The following C10orf90 variants were observed in gnomAD, a reference collection of about 807,000 sequenced individuals.
C10orf90 encodes chromosome 10 open reading frame 90.
Under a neutral mutation model 62.5 loss-of-function variants are expected in C10orf90, and 56 were observed. The observed-to-expected ratio is 0.90, with a 90% CI of 0.72 to 1.12. The LOEUF is 1.12. C10orf90 is among the 50% of genes most tolerant of loss of function. The pLI is 0.00. For missense variants in C10orf90, 970 were observed against 880.4 expected, an observed-to-expected ratio of 1.10 and a Z score of -1.29; for synonymous variants, 386 against 340.4, an observed-to-expected ratio of 1.13 and a Z score of -1.47.
chr10:126,442,342 C>T (rs939393082), intron 7 of C10orf90, among the ~76,000 whole-genome samples: 1 of 150,040 alleles, frequency 6.7e-6, no homozygotes, highest in Non-Finnish European at 1.5e-5. Flanking sequence ...AGGCCTTATC[C>T]AATTTTAGGA....
intron 4 of C10orf90, among the ~76,000 whole-genome samples, chr10:126,471,050 G>A (rs182762054): frequency 2.0e-5 from 3 of 152,320 alleles, no homozygotes; most frequent in Non-Finnish European, 4.4e-5. Flanking sequence ...TTGCAGCCCA[G>A]GAAGGGAGTC....
chr10:126,514,006 T>C, intron 2 of C10orf90, 67 bp from the exon 3 acceptor site: 4 of 1,143,154 alleles, frequency 3.5e-6, no homozygotes, highest in Admixed American at 1.9e-5. Context: ...TATATAACTC[T>C]ACTGTAAAAT....
At chr10:126,471,222 AAGG>A (rs61122246) in intron 4 of C10orf90, among the ~76,000 whole-genome samples, 18,557 of 152,226 alleles carry the variant, frequency 0.12, 1,177 homozygotes, top group Non-Finnish European at 0.15. Context: ...TGGGAATGCC[AAGG>A]AGGACAGCCA....
At chr10:126,503,276 C>T (rs977710998) in intron 4 of C10orf90, among the ~76,000 whole-genome samples, 1 of 152,162 alleles carries the variant, frequency 6.6e-6, no homozygotes, top group African/African-American at 2.4e-5. Flanking sequence ...GGGAATTCTT[C>T]CCGGCCCTGG....
Position 126,594,597 on chromosome 10 carries a change from A to G in C10orf90, c.313+51968T>C, listed in dbSNP as rs532669853. ...GGATTGAATAAATAAATATATAAAT[A>G]AGTAATTCAGGTATGAATAAATGCT... On this transcript the variant is annotated intron_variant, in intron 2 of 9. Coordinates refer to ENST00000488181, the MANE Select transcript of C10orf90 (RefSeq NM_001350921.2). Among the ~76,000 whole-genome samples, 33 of 152,222 alleles carry G rather than the reference A, an allele frequency of 2.2e-4. 1 individual carries two copies. The highest frequency in any genetic ancestry group is 4.1e-4 in the Non-Finnish European group (28 of 68,042).
At position 126,461,480 on chromosome 10, in the gene C10orf90, C is replaced by A. The variant is rs374833275; in HGVS notation, c.1931G>T (p.Arg644Leu). 13 of 1,613,980 alleles carry A rather than the reference C, an allele frequency of 8.1e-6. No homozygotes were observed. Among genetic ancestry groups the A allele is most frequent in the Non-Finnish European group, 1.1e-5 (13 of 1,179,996 alleles). Reference sequence around the variant, plus strand: ...CAGGCCAGGGCTCCCTGCTCCATCGCGGGGTGCTGGCGAGGGTGCTGCTGG... The same window carrying A: ...CAGGCCAGGGCTCCCTGCTCCATCGAGGGGTGCTGGCGAGGGTGCTGCTGG... Reference protein sequence around the residue: ...PSPAAPSPAPRDGAGSPGLSE... With the variant: ...PSPAAPSPAPLDGAGSPGLSE... The change falls in exon 6 of 10, where the codon CGC becomes CTC. Residue 644 changes from arginine to leucine, a missense_variant. Arg to Leu is a moderately radical substitution (Grantham distance 102). Coordinates refer to ENST00000488181, the MANE Select transcript of C10orf90 (RefSeq NM_001350921.2).
chr10:126,526,058 ACAC>A (rs2133948883), intron 2 of C10orf90, among the ~76,000 whole-genome samples: 1 of 151,592 alleles, frequency 6.6e-6, no homozygotes, highest in East Asian at 2.0e-4. Context: ...ACACACACAC[ACAC>A]AAAAGAAGCA....
chr10:126,439,974 A>G (rs1320668493), intron 7 of C10orf90, among the ~76,000 whole-genome samples: 1 of 152,152 alleles, frequency 6.6e-6, no homozygotes, highest in Non-Finnish European at 1.5e-5. Flanking sequence ...GGGCAGCCAG[A>G]GGTGCAGGGA....
intron 3 of C10orf90, 29 bp downstream of exon 3, chr10:126,513,819 C>G: frequency 7.0e-7 from 1 of 1,437,454 alleles, no homozygotes; most frequent in East Asian, 2.3e-5. Flanking sequence ...ATTTTGCTGA[C>G]TATTCTAGAA....
chr10:126,623,248 A>T (rs2576012), intron 2 of C10orf90, among the ~76,000 whole-genome samples: 4 of 151,918 alleles, frequency 2.6e-5, no homozygotes, highest in East Asian at 3.9e-4. Context: ...CACCCCCATG[A>T]GGTCATCCCC....
chr10:126,645,125 G>C (rs982164530), intron 2 of C10orf90, among the ~76,000 whole-genome samples: 8 of 151,600 alleles, frequency 5.3e-5, no homozygotes, highest in South Asian at 2.1e-4. Flanking sequence ...GTGGGAGGAG[G>C]GGGGAGGGAT....
chr10:126,618,247 T>G (rs1053252669), intron 2 of C10orf90, among the ~76,000 whole-genome samples: 6 of 152,212 alleles, frequency 3.9e-5, no homozygotes, highest in South Asian at 2.1e-4. Flanking sequence ...GCCCGCATGA[T>G]GCATCTCGAT....
At position 126,670,567 on chromosome 10, in the gene C10orf90, G is replaced by T. The variant is rs1166402379; in HGVS notation, c.-87C>A. The T allele has an allele frequency of 1.4e-5, 6 of 413,910 alleles. No individual in the cohort carries two copies. The highest frequency in any genetic ancestry group is 2.9e-5 in the Non-Finnish European group (6 of 204,744). The allele number at this position is 413,910 out of a possible 1,614,324, so 25.6% of individuals were successfully genotyped here. ...CCCAGGTATTGAGTGCAACAGGAGGGACTTGGGCAGTGCCCCAGCTCGGAC... is the reference window on the plus strand; with the variant it reads ...CCCAGGTATTGAGTGCAACAGGAGGTACTTGGGCAGTGCCCCAGCTCGGAC... On this transcript the variant is annotated 5_prime_UTR_variant, in exon 1 of 10. Transcript: ENST00000488181.
intron 2 of C10orf90, among the ~76,000 whole-genome samples, chr10:126,570,720 C>T (rs1489233444): frequency 1.3e-5 from 2 of 152,150 alleles, no homozygotes; most frequent in Non-Finnish European, 1.5e-5. Flanking sequence ...ACCACTTCTA[C>T]GAGAAGCAAA....
At chr10:126,534,628 C>A (rs1038084806) in intron 2 of C10orf90, among the ~76,000 whole-genome samples, 1 of 152,198 alleles carries the variant, frequency 6.6e-6, no homozygotes, top group Non-Finnish European at 1.5e-5. Context: ...TATCCTTCTT[C>A]CACTTCCAAA....
intron 2 of C10orf90, among the ~76,000 whole-genome samples, chr10:126,579,122 C>T (rs1003347691): frequency 8.6e-5 from 13 of 151,910 alleles, no homozygotes; most frequent in Non-Finnish European, 1.8e-4. Flanking sequence ...TTTAGTGTCA[C>T]TTGCCAGGGT....
chr10:126,600,796 C>T (rs1564887977), intron 2 of C10orf90, among the ~76,000 whole-genome samples: 1 of 151,988 alleles, frequency 6.6e-6, no homozygotes, highest in Admixed American at 6.6e-5. Context: ...AGTATCTTAC[C>T]TTAATTGAGG....
intron 4 of C10orf90, among the ~76,000 whole-genome samples, chr10:126,468,137 T>C (rs1034912663): frequency 6.6e-6 from 1 of 151,980 alleles, no homozygotes; most frequent in Admixed American, 6.6e-5. Context: ...GGCACTATCT[T>C]GGCTCACTGC....
intron 4 of C10orf90, among the ~76,000 whole-genome samples, chr10:126,488,497 TAAG>T (rs1243186958): frequency 6.6e-6 from 1 of 150,982 alleles, no homozygotes; most frequent in Non-Finnish European, 1.5e-5. Flanking sequence ...CAAATAGAAA[TAAG>T]AAAGCTAAAA....
Sources: allele counts gnomAD v4.1 joint callset (sites outside exome capture counted in the v4.1 genomes callset), GRCh38; gene constraint gnomAD v4.1.1; transcripts MANE v1.5; gene names NCBI Gene and HGNC (gene_info 2026-07-23, HGNC 2026-07-21).